Variants in AKAP10 observed in about 807,000 individuals in gnomAD.
AKAP10 encodes the protein A-kinase anchoring protein 10.
In AKAP10, 24 loss-of-function variants were observed where a neutral mutation model predicts 80.8. That is an observed-to-expected ratio of 0.30 (90% CI 0.22 to 0.42). The LOEUF is 0.42. Among genes scored for constraint, AKAP10 ranks in the 10% least tolerant of loss-of-function variants. The pLI is 1.00. For missense variants in AKAP10, 661 were observed against 794.9 expected, an observed-to-expected ratio of 0.83 and a Z score of 2.03; for synonymous variants, 291 against 277.7, an observed-to-expected ratio of 1.05 and a Z score of -0.48.
rs2043385916 is a variant in AKAP10 at position 19,964,048 on chromosome 17, T to C, written c.137-1026A>G. 2.0e-5 allele frequency among the ~76,000 whole-genome samples: 3 copies of C among 152,194 alleles called. No homozygotes were observed. The East Asian group carries it at 5.8e-4, about 29-fold the overall frequency. The stretch of plus-strand genomic sequence containing the variant: ...GTTGTGGGAATTACAAAATGAAGAG[T>C]GACTGTCTTCAAACTATTTTTTCAA... On this transcript the variant is annotated intron_variant, in intron 2 of 14. Coordinates refer to ENST00000225737, the MANE Select transcript of AKAP10 (RefSeq NM_007202.4).
chr17:19,932,277 C>T (rs376021385), intron 9 of AKAP10, among the ~76,000 whole-genome samples: 84 of 151,652 alleles, frequency 5.5e-4, no homozygotes, highest in African/African-American at 2.0e-3. Context: ...ATGATGAAAC[C>T]CCATCTCTAC....
At chr17:19,917,439 C>T (rs1273028630) in intron 12 of AKAP10, among the ~76,000 whole-genome samples, 1 of 152,154 alleles carries the variant, frequency 6.6e-6, no homozygotes, top group Non-Finnish European at 1.5e-5. Context: ...CTAAAACCAC[C>T]ACTGACCTCT....
intron 4 of AKAP10, among the ~76,000 whole-genome samples, chr17:19,952,524 T>G (rs1051242487): frequency 3.6e-4 from 54 of 151,900 alleles, no homozygotes; most frequent in Admixed American, 9.8e-4. Context: ...AACTATATGC[T>G]GCCTACAAGA....
At chr17:19,948,210 A>C (rs1420741521) in intron 4 of AKAP10, among the ~76,000 whole-genome samples, 1 of 152,218 alleles carries the variant, frequency 6.6e-6, no homozygotes, top group East Asian at 1.9e-4. Context: ...GGACAAATGC[A>C]TCCAAGGACT....
intron 11 of AKAP10, among the ~76,000 whole-genome samples, chr17:19,922,496 G>A (rs1025808939): frequency 7.2e-5 from 11 of 152,046 alleles, no homozygotes; most frequent in Non-Finnish European, 1.6e-4. Context: ...GCCGCCTGCC[G>A]AGGCCTCCCA....
intron 10 of AKAP10, 60 bp downstream of exon 10, chr17:19,931,745 G>A: frequency 6.6e-7 from 1 of 1,509,284 alleles, no homozygotes; most frequent in African/African-American, 1.4e-5. Context: ...CTGTTACTGG[G>A]ATGTGAAGGA....
At chr17:19,924,554 C>T (rs2042854957) in intron 10 of AKAP10, 37 bp from the exon 11 acceptor site, 2 of 1,415,186 alleles carry the variant, frequency 1.4e-6, no homozygotes, top group Non-Finnish European at 9.8e-7. Flanking sequence ...GTATATGAAA[C>T]AATCAGTCCT....
At chr17:19,952,432 C>G (rs897378509) in intron 4 of AKAP10, among the ~76,000 whole-genome samples, 8 of 151,542 alleles carry the variant, frequency 5.3e-5, no homozygotes, top group African/African-American at 1.9e-4. Context: ...CCACTGCACT[C>G]CAGCTTGGGC....
At chr17:19,957,869 A>G in intron 4 of AKAP10, 145 bp downstream of exon 4, 1 of 835,728 alleles carries the variant, frequency 1.2e-6, no homozygotes, top group Non-Finnish European at 1.8e-6. Flanking sequence ...ACTCTACTAC[A>G]CTCTCCAAAT....
chr17:19,909,126 T>G (rs1228469185), intron 14 of AKAP10, 55 bp downstream of exon 14: 1 of 1,488,722 alleles, frequency 6.7e-7, no homozygotes, highest in South Asian at 1.2e-5. Context: ...TCTTTTTTAT[T>G]TTTACACCTG....
chr17:19,934,999 G>A (rs565529210), intron 9 of AKAP10, among the ~76,000 whole-genome samples: 2 of 152,180 alleles, frequency 1.3e-5, no homozygotes, highest in African/African-American at 4.8e-5. Context: ...ACAATGGAGT[G>A]AAACTCTGTC....
At chr17:19,916,501 T>A (rs898470394) in intron 12 of AKAP10, among the ~76,000 whole-genome samples, 4 of 152,168 alleles carry the variant, frequency 2.6e-5, no homozygotes, top group African/African-American at 9.7e-5. Flanking sequence ...CAACTGCTCA[T>A]AATACACCTT....
intron 4 of AKAP10, among the ~76,000 whole-genome samples, chr17:19,950,485 T>A (rs1331625795): frequency 6.6e-6 from 1 of 152,198 alleles, no homozygotes; most frequent in Non-Finnish European, 1.5e-5. Flanking sequence ...GGTTTTTGCA[T>A]TTTTTGGTGG....
At chr17:19,919,316 A>G (rs976120732) in intron 12 of AKAP10, among the ~76,000 whole-genome samples, 1 of 152,098 alleles carries the variant, frequency 6.6e-6, no homozygotes, top group African/African-American at 2.4e-5. Flanking sequence ...TTCTTAATCC[A>G]GTCTATTTTC....
At chr17:19,946,167 A>C (rs1466861754) in intron 5 of AKAP10, among the ~76,000 whole-genome samples, 1 of 88,526 alleles carries the variant, frequency 1.1e-5, no homozygotes. Context: ...CTAATATATA[A>C]TATATACTAT....
At chr17:19,931,716 A>G in intron 10 of AKAP10, 89 bp downstream of exon 10, 1 of 1,431,566 alleles carries the variant, frequency 7.0e-7, no homozygotes, top group Non-Finnish European at 9.4e-7. Flanking sequence ...CACAACTTAA[A>G]ATTTACAAAT....
At position 19,977,765 on chromosome 17, in the gene AKAP10, G is replaced by T. The variant is rs894778903; in HGVS notation, c.-86C>A. The T allele has an allele frequency of 3.6e-6, 3 of 833,412 alleles. No homozygotes were observed. Among genetic ancestry groups the T allele is most frequent in the East Asian group, 6.7e-5 (2 of 29,872 alleles). The allele number at this position is 833,412 out of a possible 1,614,324, so 51.6% of individuals were successfully genotyped here. The stretch of plus-strand genomic sequence containing the variant: ...CCTTCTTCCGGGAGTGGGCCCCACC[G>T]CCTCCTCGGGATGCCCAGGCAGCTC... On this transcript the variant is annotated 5_prime_UTR_variant, in exon 1 of 15. Coordinates refer to ENST00000225737, the MANE Select transcript of AKAP10 (RefSeq NM_007202.4).
intron 2 of AKAP10, 82 bp from the exon 3 acceptor site, chr17:19,963,104 T>A: frequency 8.2e-7 from 1 of 1,224,824 alleles, no homozygotes; most frequent in Non-Finnish European, 1.1e-6. Context: ...CAGAGAACTT[T>A]AAAAATTAAA....
At chr17:19,949,727 C>CA (rs1164589958) in intron 4 of AKAP10, among the ~76,000 whole-genome samples, 2 of 147,288 alleles carry the variant, frequency 1.4e-5, no homozygotes, top group African/African-American at 2.5e-5. Flanking sequence ...AAGATCACGC[C>CA]ACTGCACTCC....
Sources: allele counts gnomAD v4.1 joint callset (sites outside exome capture counted in the v4.1 genomes callset), GRCh38; gene constraint gnomAD v4.1.1; transcripts MANE v1.5; gene names NCBI Gene and HGNC (gene_info 2026-07-23, HGNC 2026-07-21).